Variants in DNAH11 observed in about 807,000 individuals in gnomAD.
The protein encoded by DNAH11 is dynein axonemal heavy chain 11, also known as axonemal beta dynein heavy chain 11.
In DNAH11, 442 loss-of-function variants were observed where a neutral mutation model predicts 526.0. That is an observed-to-expected ratio of 0.84 (90% CI 0.78 to 0.91). The LOEUF (loss-of-function observed/expected upper bound fraction) is 0.91, where lower values mean the gene tolerates loss of function less well. DNAH11 is among the 40% of genes least tolerant of loss of function. DNAH11 has a pLI of 0.00. For synonymous variants in DNAH11, 2,461 were observed against 1,935.9 expected, an observed-to-expected ratio of 1.27 and a Z score of -7.12; for missense variants, 6,989 against 5,448.7, an observed-to-expected ratio of 1.28 and a Z score of -8.90.
At chr7:21,613,579 G>C (rs926160097) in intron 20 of DNAH11, among the ~76,000 whole-genome samples, 1 of 152,148 alleles carries the variant, frequency 6.6e-6, no homozygotes, top group Non-Finnish European at 1.5e-5. Flanking sequence ...GACAGAGTTG[G>C]GGTTGGGGAG....
intron 74 of DNAH11, among the ~76,000 whole-genome samples, chr7:21,874,326 T>TG (rs1783617167): frequency 2.2e-5 from 1 of 45,828 alleles, no homozygotes; most frequent in South Asian, 3.9e-4. Flanking sequence ...AATACTTACA[T>TG]GGTTTTTTTT....
chr7:21,885,619 C>T (rs1784098731), intron 76 of DNAH11, among the ~76,000 whole-genome samples: 1 of 152,038 alleles, frequency 6.6e-6, no homozygotes, highest in African/African-American at 2.4e-5. Context: ...TTTGTATGTT[C>T]CCACCCCAAA....
rs184234744 is a variant in DNAH11 at position 21,875,156 on chromosome 7, T to C, written c.12195+1655T>C. Among the ~76,000 whole-genome samples the C allele has an allele frequency of 3.2e-3, 492 of 152,340 alleles. 2 individuals are homozygous for C. The highest frequency in any genetic ancestry group is 8.9e-3 in the South Asian group (43 of 4,820). On this transcript the variant is annotated intron_variant, in intron 74 of 81. Coordinates refer to ENST00000409508, the MANE Select transcript of DNAH11 (RefSeq NM_001277115.2). ...AAATAGTAGGACTCAAAAAATCTTT[T>C]TGAAACTATTAAGTATCTGCAATAT...
rs571612301 is a variant in DNAH11 at position 21,822,944 on chromosome 7, A to T, written c.10691+4605A>T. 2.4e-3 allele frequency among the ~76,000 whole-genome samples: 256 copies of T among 106,710 alleles called. 1 individual carries two copies. Among genetic ancestry groups the T allele is most frequent in the African/African-American group, 8.6e-3 (249 of 29,110 alleles). The allele number at this position is 106,710 out of a possible 152,430, so 70.0% of individuals were successfully genotyped here. On this transcript the variant is annotated intron_variant, in intron 65 of 81. Coordinates refer to ENST00000409508, the MANE Select transcript of DNAH11 (RefSeq NM_001277115.2). ...ACTCAGGTATTTTACCCATTTTTAA[A>T]TCAGATTATTTGCTTTTTTTTTTTT...
intron 32 of DNAH11, 25 bp from the exon 33 acceptor site, chr7:21,687,074 T>A: frequency 6.3e-7 from 1 of 1,597,940 alleles, no homozygotes; most frequent in Non-Finnish European, 8.5e-7. Context: ...TAGACTGTGA[T>A]GTTTGTGTTT....
chr7:21,664,133 A>AGTT (rs1782337845), intron 30 of DNAH11, among the ~76,000 whole-genome samples: 1 of 68,430 alleles, frequency 1.5e-5, no homozygotes, highest in Non-Finnish European at 3.3e-5. Context: ...AATTTCCCAA[A>AGTT]GTTTTTTTTT....
intron 35 of DNAH11, among the ~76,000 whole-genome samples, chr7:21,697,689 C>A (rs886626135): frequency 6.6e-6 from 1 of 152,180 alleles, no homozygotes; most frequent in Admixed American, 6.5e-5. Flanking sequence ...TAAGCAAGTG[C>A]TATTTTCTAG....
intron 79 of DNAH11, among the ~76,000 whole-genome samples, chr7:21,898,045 A>G (rs1033834176): frequency 6.6e-6 from 1 of 151,528 alleles, no homozygotes; most frequent in African/African-American, 2.4e-5. Context: ...TCTACTTCTT[A>G]TTTGGGGTCT....
At chr7:21,786,813 CTG>C in intron 59 of DNAH11, 46 bp downstream of exon 59, 1 of 1,609,326 alleles carries the variant, frequency 6.2e-7, no homozygotes, top group East Asian at 2.2e-5. Flanking sequence ...AATTTCCATA[CTG>C]TTTTCAGTAC....
rs1052272234 is a variant in DNAH11, at chr7:21,606,432, C to T, written c.3655C>T (p.Pro1219Ser). The T allele has an allele frequency of 4.4e-6, 7 of 1,605,430 alleles. No individual in the cohort carries two copies. The highest frequency in any genetic ancestry group is 2.3e-5 in the South Asian group (2 of 87,588). The change falls in exon 19 of 82, where the codon CCT becomes TCT. Residue 1219 changes from proline (P) to serine (S), a missense_variant. Transcript: ENST00000409508. ...TGTGCCTTTGCTTTTGCAGGAATTA[C>T]CTGAAAGATGGGAAACTACCAAAAA... ...EQVYIQLEEL[P>S]ERWETTKKIA...
At chr7:21,752,838 G>C (rs1030717050) in intron 54 of DNAH11, among the ~76,000 whole-genome samples, 2 of 152,054 alleles carry the variant, frequency 1.3e-5, no homozygotes, top group African/African-American at 4.8e-5. Flanking sequence ...TCAGCCTCCT[G>C]AGTAGCTGGG....
Position 21,786,663 on chromosome 7 carries a change from A to C in DNAH11, c.9637A>C (p.Ile3213Leu). The change falls in exon 59 of 82, where the codon ATC becomes CTC. Residue 3213 changes from isoleucine (I) to leucine (L), a missense_variant. Coordinates refer to ENST00000409508, the MANE Select transcript of DNAH11 (RefSeq NM_001277115.2). ...GCTGAAAGCCTTTCCCAACCCTCCC[A>C]TCGCAGTTACCAATGTTACTGCAGC... ...SELKAFPNPPIAVTNVTAAVM... is the reference protein window; with the variant it reads ...SELKAFPNPPLAVTNVTAAVM... 6.2e-7 allele frequency: 1 copy of C among 1,613,512 alleles called. No individual in the cohort carries two copies.
chr7:21,657,114 A>G (rs892415661), intron 29 of DNAH11, among the ~76,000 whole-genome samples: 1 of 152,200 alleles, frequency 6.6e-6, no homozygotes, highest in African/African-American at 2.4e-5. Flanking sequence ...AGAGACTTGT[A>G]AACATATACA....
chr7:21,753,226 G>A (rs952979528), intron 54 of DNAH11, among the ~76,000 whole-genome samples: 4 of 152,096 alleles, frequency 2.6e-5, no homozygotes, highest in African/African-American at 7.2e-5. Context: ...TCCAGGCAGG[G>A]GGAAGGAAGG....
At chr7:21,661,472 T>G (rs1281980754) in intron 30 of DNAH11, among the ~76,000 whole-genome samples, 1 of 152,110 alleles carries the variant, frequency 6.6e-6, no homozygotes, top group East Asian at 1.9e-4. Context: ...AAAAATATTT[T>G]TCCATTTATC....
At chr7:21,820,623 G>T (rs187741706) in intron 65 of DNAH11, among the ~76,000 whole-genome samples, 1 of 152,150 alleles carries the variant, frequency 6.6e-6, no homozygotes, top group Non-Finnish European at 1.5e-5. Flanking sequence ...TGTGGACTGG[G>T]ACAGATGAGA....
chr7:21,601,418 A>G lies in DNAH11; in HGVS notation c.3448A>G (p.Ile1150Val). The change falls in exon 18 of 82, where the codon ATA (isoleucine) becomes GTA (valine). Residue 1150 changes from isoleucine (I) to valine (V), a missense_variant. Transcript: ENST00000409508. ...IDSLNELQEF[I>V]KETDSGLQRE... The stretch of plus-strand genomic sequence containing the variant: ...TAGTCTGAATGAGCTACAAGAATTT[A>G]TAAAGGAGACAGATTCCGGACTTCA... 1 of 1,613,054 alleles carries G rather than the reference A, an allele frequency of 6.2e-7. No individual in the cohort carries two copies. The highest frequency in any genetic ancestry group is 8.5e-7 in the Non-Finnish European group (1 of 1,179,436).
At chr7:21,888,494 T>C (rs993744798) in intron 76 of DNAH11, among the ~76,000 whole-genome samples, 1 of 152,050 alleles carries the variant, frequency 6.6e-6, no homozygotes, top group Non-Finnish European at 1.5e-5. Context: ...TCAATTTTTT[T>C]TTTCTTTCTT....
At chr7:21,830,021 G>A (rs764919830) in intron 65 of DNAH11, among the ~76,000 whole-genome samples, 1 of 152,158 alleles carries the variant, frequency 6.6e-6, no homozygotes, top group Non-Finnish European at 1.5e-5. Flanking sequence ...TTTTGCCCCA[G>A]GACACTAATT....
Sources: allele counts gnomAD v4.1 joint callset (sites outside exome capture counted in the v4.1 genomes callset), GRCh38; gene constraint gnomAD v4.1.1; transcripts MANE v1.5; gene names NCBI Gene and HGNC (gene_info 2026-07-23, HGNC 2026-07-21).